DACH2: variants seen among roughly 807,000 people sequenced by gnomAD.
DACH2 encodes dachshund family transcription factor 2.
A neutral mutation model predicts 35.8 loss-of-function variants in DACH2; 17 were observed. The ratio of observed to expected loss-of-function variants is 0.48; its 90% confidence interval spans 0.33 to 0.71. The LOEUF (loss-of-function observed/expected upper bound fraction) is 0.71. Ranked by LOEUF, DACH2 falls within the 30% of genes least tolerant of loss-of-function variation. The probability of loss-of-function intolerance (pLI) is 0.02; values close to 1 mark genes in which losing one functional copy is unlikely to be tolerated. For missense variants in DACH2, 469 were observed against 472.7 expected (o/e 0.99, Z 0.07); for synonymous variants, 195 against 177.3 (o/e 1.10, Z -0.79).
intron 2 of DACH2, among the ~76,000 whole-genome samples, chrX:86,498,919 A>G (rs1174187730): frequency 2.7e-5 from 3 of 111,752 alleles, no homozygotes; most frequent in East Asian, 5.6e-4. Context: ...TTTGATTTGT[A>G]TATTACTTTT....
chrX:86,582,426 AT>A (rs748345664), intron 3 of DACH2, among the ~76,000 whole-genome samples: 1 of 111,225 alleles, frequency 9.0e-6, no homozygotes, highest in African/African-American at 3.3e-5. Flanking sequence ...TCAGGAGTTT[AT>A]TTTTTTGAAA....
chrX:86,283,135 T>C (rs1286408295), intron 1 of DACH2, among the ~76,000 whole-genome samples: 1 of 106,824 alleles, frequency 9.4e-6, no homozygotes, highest in African/African-American at 3.5e-5. Flanking sequence ...GAAAAGCTCT[T>C]CATCACTGGT....
intron 5 of DACH2, among the ~76,000 whole-genome samples, chrX:86,710,012 T>C (rs1261513518): frequency 8.9e-6 from 1 of 112,068 alleles, no homozygotes. Context: ...AACATAGTCC[T>C]GTATTTATAC....
chrX:86,337,003 A>C (rs781241887), intron 1 of DACH2, among the ~76,000 whole-genome samples: 38 of 109,309 alleles, frequency 3.5e-4, no homozygotes, highest in Admixed American at 9.0e-4. Flanking sequence ...TTAATGAAAT[A>C]AAGTGAGAAG....
At chrX:86,406,508 T>A (rs956040498) in intron 2 of DACH2, among the ~76,000 whole-genome samples, 2 of 112,012 alleles carry the variant, frequency 1.8e-5, no homozygotes, top group African/African-American at 6.5e-5. Flanking sequence ...TTAACAAAGC[T>A]GCACATATTC....
intron 3 of DACH2, among the ~76,000 whole-genome samples, chrX:86,566,503 A>G (rs1421361215): frequency 9.0e-6 from 1 of 111,636 alleles, no homozygotes; most frequent in Non-Finnish European, 1.9e-5. Flanking sequence ...GAAAATGTAT[A>G]TGATTTTCAG....
At chrX:86,451,375 C>T (rs900590004) in intron 2 of DACH2, among the ~76,000 whole-genome samples, 1 of 110,992 alleles carries the variant, frequency 9.0e-6, no homozygotes, top group African/African-American at 3.3e-5. Context: ...TGTAGGTGTG[C>T]CATCTTATTT....
At chrX:86,809,648 CA>C (rs2042376675) in intron 7 of DACH2, among the ~76,000 whole-genome samples, 1 of 111,821 alleles carries the variant, frequency 8.9e-6, no homozygotes, top group Non-Finnish European at 1.9e-5. Context: ...TTGGTTAGCA[CA>C]GAAACTTAAT....
intron 4 of DACH2, among the ~76,000 whole-genome samples, chrX:86,654,121 A>G (rs1339905026): frequency 1.0e-5 from 1 of 98,445 alleles, no homozygotes; most frequent in Non-Finnish European, 2.0e-5. Context: ...TTTCTTCTCC[A>G]TGAGAGCCGT....
At chrX:86,184,784 A>G (rs2031631931) in intron 1 of DACH2, among the ~76,000 whole-genome samples, 1 of 112,192 alleles carries the variant, frequency 8.9e-6, no homozygotes, top group Admixed American at 9.5e-5. Context: ...GAGTTCTTAA[A>G]GCACTTCTAC....
chrX:86,296,230 A>T (rs1322819272), intron 1 of DACH2, among the ~76,000 whole-genome samples: 2 of 103,453 alleles, frequency 1.9e-5, no homozygotes, highest in African/African-American at 3.6e-5. Flanking sequence ...ATACAAAAAA[A>T]ATTAGCCGGG....
At chrX:86,814,865 G>A in intron 10 of DACH2, 31 bp downstream of exon 10, 5 of 1,163,090 alleles carry the variant, frequency 4.3e-6, no homozygotes, top group Non-Finnish European at 4.6e-6. Flanking sequence ...TCACACTCAA[G>A]GTAAACAAAG....
intron 3 of DACH2, among the ~76,000 whole-genome samples, chrX:86,627,671 T>G (rs1489881016): frequency 8.9e-6 from 1 of 111,964 alleles, no homozygotes; most frequent in Non-Finnish European, 1.9e-5. Flanking sequence ...TGATTACAAG[T>G]CTATTCATAC....
At chrX:86,434,872 G>A (rs1359951612) in intron 2 of DACH2, among the ~76,000 whole-genome samples, 5 of 111,385 alleles carry the variant, frequency 4.5e-5, no homozygotes, top group Non-Finnish European at 7.5e-5. Flanking sequence ...TAATCATGGC[G>A]GAAGGTAAAG....
At chrX:86,494,986 T>A (rs1452789940) in intron 2 of DACH2, among the ~76,000 whole-genome samples, 2 of 112,114 alleles carry the variant, frequency 1.8e-5, no homozygotes, top group Non-Finnish European at 3.8e-5. Flanking sequence ...ATAGCCAAAA[T>A]ATCATTGCAA....
chrX:86,534,173 C>T (rs768755197), intron 3 of DACH2, among the ~76,000 whole-genome samples: 1 of 111,838 alleles, frequency 8.9e-6, no homozygotes, highest in South Asian at 3.7e-4. Context: ...TTAGGGAGAG[C>T]AGCTATAAGG....
intron 5 of DACH2, among the ~76,000 whole-genome samples, chrX:86,709,570 A>C: frequency 8.9e-6 from 1 of 112,061 alleles, no homozygotes; most frequent in Non-Finnish European, 1.9e-5. Context: ...CATTAAACTT[A>C]AAAACCGTTC....
At chrX:86,624,006 C>A (rs934004386) in intron 3 of DACH2, among the ~76,000 whole-genome samples, 3 of 84,591 alleles carry the variant, frequency 3.5e-5, no homozygotes, top group Non-Finnish European at 6.9e-5. Flanking sequence ...CGAGATCGCG[C>A]CACTGCACTC....
At chrX:86,267,860 C>T (rs2033739006) in intron 1 of DACH2, among the ~76,000 whole-genome samples, 1 of 112,064 alleles carries the variant, frequency 8.9e-6, no homozygotes, top group Admixed American at 9.5e-5. Context: ...AGACCTAAAT[C>T]TCACTATACA....
Sources: gnomAD v4.1 joint callset for allele counts (sites outside exome capture counted in the v4.1 genomes callset) on GRCh38, gnomAD v4.1.1 for gene constraint, MANE v1.5 for transcripts, NCBI Gene and HGNC (gene_info 2026-07-23, HGNC 2026-07-21) for gene names.